The following NALF1 variants were observed in gnomAD, a reference collection of about 807,000 sequenced individuals.
The protein encoded by NALF1 is family with sequence similarity 155 member A.
In NALF1, 3 loss-of-function variants were observed where a neutral mutation model predicts 48.4. That is an observed-to-expected ratio of 0.06 (90% confidence interval 0.03 to 0.16). The LOEUF (loss-of-function observed/expected upper bound fraction) is 0.16. NALF1 is among the 10% of genes least tolerant of loss of function. NALF1 has a pLI of 1.00. For synonymous variants in NALF1, 262 were observed against 245.7 expected (o/e 1.07, Z -0.62); for missense variants, 526 against 571.5 (o/e 0.92, Z 0.81).
chr13:107,267,385 G>C (rs960835871), intron 1 of NALF1, among the ~76,000 whole-genome samples: 3 of 152,136 alleles, frequency 2.0e-5, no homozygotes, highest in Non-Finnish European at 4.4e-5. Context: ...AAGGTTGCCA[G>C]GGAGGTGGAG....
intron 1 of NALF1, among the ~76,000 whole-genome samples, chr13:107,312,947 G>A (rs186251495): frequency 2.6e-5 from 4 of 152,204 alleles, no homozygotes; most frequent in African/African-American, 9.6e-5. Flanking sequence ...ATAAAGAGAC[G>A]GAAAGCAAAA....
intron 1 of NALF1, among the ~76,000 whole-genome samples, chr13:107,716,988 A>AG (rs1875843342): frequency 6.6e-6 from 1 of 152,208 alleles, no homozygotes; most frequent in African/African-American, 2.4e-5. Context: ...GTAAACTTAA[A>AG]GATCATCTCT....
intron 1 of NALF1, among the ~76,000 whole-genome samples, chr13:107,498,734 G>C (rs773244222): frequency 1.3e-4 from 20 of 152,150 alleles, no homozygotes; most frequent in African/African-American, 3.9e-4. Flanking sequence ...TTTTATTCTT[G>C]TTCCTTTTAT....
intron 1 of NALF1, among the ~76,000 whole-genome samples, chr13:107,656,845 G>T (rs1281591340): frequency 6.6e-6 from 1 of 152,100 alleles, no homozygotes; most frequent in Non-Finnish European, 1.5e-5. Context: ...CAAAATAATG[G>T]CATTCGTAGC....
Position 107,676,894 on chromosome 13 carries a change from A to G in NALF1, c.915+188788T>C, listed in dbSNP as rs1036720595. 2.6e-5 allele frequency among the ~76,000 whole-genome samples: 4 copies of G among 152,208 alleles called. No homozygotes were observed. The East Asian group carries it at 7.7e-4, about 29-fold the overall frequency. On this transcript the variant is annotated intron_variant, in intron 1 of 2. Transcript: ENST00000375915. The stretch of plus-strand genomic sequence containing the variant: ...AAGAAACGAAGGAGAATAGAATAAT[A>G]AAATACCAAAAGAATTCTGAAATTC...
intron 1 of NALF1, among the ~76,000 whole-genome samples, chr13:107,483,094 G>A (rs1885278688): frequency 1.3e-5 from 2 of 152,064 alleles, no homozygotes; most frequent in South Asian, 2.1e-4. Context: ...GTGAGCTCCC[G>A]TATGTAAACA....
At chr13:107,523,647 T>G (rs551389163) in intron 1 of NALF1, among the ~76,000 whole-genome samples, 8 of 151,808 alleles carry the variant, frequency 5.3e-5, no homozygotes, top group Non-Finnish European at 1.0e-4. Context: ...GATTGCCTTC[T>G]TAAGGGTGGC....
At chr13:107,612,991 T>C (rs1594161121) in intron 1 of NALF1, among the ~76,000 whole-genome samples, 1 of 147,294 alleles carries the variant, frequency 6.8e-6, no homozygotes, top group African/African-American at 2.5e-5. Context: ...TGGGTTTTTT[T>C]CCCACAATGA....
At chr13:107,364,185 T>C (rs9514669) in intron 1 of NALF1, among the ~76,000 whole-genome samples, 14,310 of 152,300 alleles carry the variant, frequency 0.094, 875 homozygotes, top group Admixed American at 0.14. Flanking sequence ...CTCAAAACAT[T>C]TGAATAGCAT....
At chr13:107,279,927 T>A (rs1292499884) in intron 1 of NALF1, among the ~76,000 whole-genome samples, 1 of 152,152 alleles carries the variant, frequency 6.6e-6, no homozygotes, top group Non-Finnish European at 1.5e-5. Flanking sequence ...TGCTCAATCC[T>A]TTTTCTGCTG....
chr13:107,445,659 G>A (rs1484001693), intron 1 of NALF1, among the ~76,000 whole-genome samples: 1 of 152,136 alleles, frequency 6.6e-6, no homozygotes, highest in Non-Finnish European at 1.5e-5. Context: ...GAATGTCAGT[G>A]ACATTCTGCA....
chr13:107,545,017 C>T (rs12584359), intron 1 of NALF1, among the ~76,000 whole-genome samples: 1 of 152,066 alleles, frequency 6.6e-6, no homozygotes, highest in Non-Finnish European at 1.5e-5. Flanking sequence ...TTTTGTTCTG[C>T]GTTATGGGCT....
chr13:107,574,960 C>A (rs1878091906), intron 1 of NALF1, among the ~76,000 whole-genome samples: 2 of 152,028 alleles, frequency 1.3e-5, no homozygotes. Flanking sequence ...GTTGAAATAT[C>A]TTGCGCATTA....
At position 107,786,740 on chromosome 13, in the gene NALF1, AAAAGAGAGAGAGAG is replaced by A. The variant is rs541788397; in HGVS notation, c.915+78928_915+78941del. ...AGAGAGAAACCCCATCTCAGAAAAAAAAAGAGAGAGAGAGAAAGAGAGAGAGAATATATGCCTGA... is the reference window on the plus strand; with the variant it reads ...AGAGAGAAACCCCATCTCAGAAAAAAAAAGAGAGAGAGAATATATGCCTGA... On this transcript the variant is annotated intron_variant, in intron 1 of 2. Transcript: ENST00000375915. Among the ~76,000 whole-genome samples the A allele has an allele frequency of 5.2e-3, 795 of 152,272 alleles. 3 individuals are homozygous for A. The highest frequency in any genetic ancestry group is 8.2e-3 in the Non-Finnish European group (558 of 68,024).
At chr13:107,807,715 T>C (rs1878845518) in intron 1 of NALF1, among the ~76,000 whole-genome samples, 1 of 152,202 alleles carries the variant, frequency 6.6e-6, no homozygotes. Flanking sequence ...GGAAAATTAC[T>C]TTTTTCTCTT....
At chr13:107,854,829 G>A (rs959818803) in intron 1 of NALF1, among the ~76,000 whole-genome samples, 11 of 147,896 alleles carry the variant, frequency 7.4e-5, no homozygotes, top group Admixed American at 6.8e-5. Context: ...AGCCAAGATG[G>A]CGCCACTGCA....
At chr13:107,728,293 C>T (rs1450720428) in intron 1 of NALF1, among the ~76,000 whole-genome samples, 1 of 152,208 alleles carries the variant, frequency 6.6e-6, no homozygotes, top group East Asian at 1.9e-4. Context: ...AAATGTCCAT[C>T]AATGATAGAC....
At chr13:107,359,720 A>C (rs1883027652) in intron 1 of NALF1, among the ~76,000 whole-genome samples, 1 of 152,054 alleles carries the variant, frequency 6.6e-6, no homozygotes, top group Admixed American at 6.6e-5. Context: ...CATTTTAATA[A>C]CTTTTTAAGT....
At chr13:107,263,897 C>T (rs1208477267) in intron 1 of NALF1, among the ~76,000 whole-genome samples, 1 of 152,082 alleles carries the variant, frequency 6.6e-6, no homozygotes, top group Non-Finnish European at 1.5e-5. Context: ...TCAAATTTTC[C>T]CTCTGCCTAA....
Sources: allele counts gnomAD v4.1 joint callset (sites outside exome capture counted in the v4.1 genomes callset), GRCh38; gene constraint gnomAD v4.1.1; transcripts MANE v1.5; gene names NCBI Gene and HGNC (gene_info 2026-07-23, HGNC 2026-07-21).